Variants in CA11 observed in about 807,000 individuals in gnomAD.
The protein encoded by CA11 is carbonic anhydrase 11 (inactive).
In CA11, 20 loss-of-function variants were observed where a neutral mutation model predicts 39.3. That is an observed-to-expected ratio of 0.51 (90% CI 0.36 to 0.74). The LOEUF (loss-of-function observed/expected upper bound fraction) is 0.74. Among genes scored for constraint, CA11 ranks in the 30% least tolerant of loss-of-function variants. CA11 has a pLI of 0.00. For synonymous variants in CA11, 166 were observed against 172.5 expected (o/e 0.96, Z 0.29); for missense variants, 336 against 424.6 (o/e 0.79, Z 1.83).
chr19:48,639,811 C>T lies in CA11; in HGVS notation c.544G>A (p.Ala182Thr). 6.2e-7 allele frequency: 1 copy of T among 1,614,072 alleles called. No individual in the cohort carries two copies. The highest frequency in any genetic ancestry group is 8.5e-7 in the Non-Finnish European group (1 of 1,179,964). The change falls in exon 5 of 9, where the codon GCC becomes ACC. Residue 182 changes from alanine (A) to threonine (T), a missense_variant. Ala to Thr is a moderately conservative substitution (Grantham distance 58, BLOSUM62 0). Transcript: ENST00000084798. ...SAASRGPNGLAILSLFVNVAS... is the reference protein window; with the variant it reads ...SAASRGPNGLTILSLFVNVAS... The stretch of plus-strand genomic sequence containing the variant: ...ACGTTGACAAAGAGGCTGAGAATGG[C>T]CAGGCCATTGGGGCCGCGGGAGGCA...
At position 48,640,145 on chromosome 19, in the gene CA11, C is replaced by T; in HGVS notation, c.421G>A (p.Asp141Asn). The T allele has an allele frequency of 6.2e-7, 1 of 1,613,944 alleles. No individual in the cohort carries two copies. The highest frequency in any genetic ancestry group is 8.5e-7 in the Non-Finnish European group (1 of 1,179,978). ...ATCTGATGTTCCGAGCCGGCTCCGT[C>T]GCGAGCTCCAAACAGCAGCCGCAGT... Reference protein sequence around the residue: ...SELRLLFGARDGAGSEHQINH... With the variant: ...SELRLLFGARNGAGSEHQINH... The change falls in exon 4 of 9, where the codon GAC becomes AAC. Residue 141 changes from aspartate (D) to asparagine (N), a missense_variant. Transcript: ENST00000084798.
In CA11 at chr19:48,639,791, G is replaced by C; in HGVS notation, c.564C>G (p.Val188=). The C allele has an allele frequency of 6.2e-7, 1 of 1,613,818 alleles. No individual in the cohort carries two copies. Among genetic ancestry groups the C allele is most frequent in the Non-Finnish European group, 8.5e-7 (1 of 1,179,764 alleles). The change falls in exon 5 of 9, where the codon GTC becomes GTG. Residue 188 remains valine, a synonymous_variant. Coordinates refer to ENST00000084798, the MANE Select transcript of CA11 (RefSeq NM_001217.5). ...PNGLAILSLF[V]NVASTSNPFL... Reference sequence around the variant, plus strand: ...TCTGAATCTCGCCTCCGCTCACGTTGACAAAGAGGCTGAGAATGGCCAGGC... The same window carrying C: ...TCTGAATCTCGCCTCCGCTCACGTTCACAAAGAGGCTGAGAATGGCCAGGC...
chr19:48,639,223 G>A, intron 7 of CA11, 82 bp downstream of exon 7: 1 of 1,565,186 alleles, frequency 6.4e-7, no homozygotes, highest in Non-Finnish European at 8.7e-7. Flanking sequence ...ATGAGGAGAG[G>A]GAGGGCAGGT....
chr19:48,638,373 A>AG (rs2030918697), intron 8 of CA11: 6 of 32,298 alleles, frequency 1.9e-4, no homozygotes, highest in Non-Finnish European at 1.8e-4. Flanking sequence ...GAAGGTCTTC[A>AG]TGGGGGGGGG....
Position 48,638,002 on chromosome 19 carries a change from C to G in CA11, c.*117G>C. On this transcript the variant is annotated 3_prime_UTR_variant, in exon 9 of 9. Transcript: ENST00000084798. ...AATGTTTCCCCACCGCGCCTAGAAT[C>G]AGACCACTGAGAAAACAGGAAGTAT... 1.5e-6 allele frequency: 1 copy of G among 678,262 alleles called. No individual in the cohort carries two copies. Among genetic ancestry groups the G allele is most frequent in the Non-Finnish European group, 2.3e-6 (1 of 440,124 alleles). 42.0% of individuals were successfully genotyped at this position (678,262 alleles called of 1,614,324 possible).
intron 8 of CA11, 90 bp downstream of exon 8, chr19:48,638,798 G>A: frequency 7.5e-7 from 1 of 1,324,978 alleles, no homozygotes; most frequent in Non-Finnish European, 1.0e-6. Flanking sequence ...GCAGGAAGGA[G>A]GATGGGACTG....
At chr19:48,644,022 GGGAGGT>G (rs1315763216) in intron 3 of CA11, among the ~76,000 whole-genome samples, 1 of 151,776 alleles carries the variant, frequency 6.6e-6, no homozygotes, top group Non-Finnish European at 1.5e-5. Flanking sequence ...GCTTGAACCT[GGGAGGT>G]GGAGGTTGCA....
In CA11 at chr19:48,641,679, C is replaced by G. The variant is rs188996700; in HGVS notation, c.286-1399G>C. Among the ~76,000 whole-genome samples the G allele has an allele frequency of 2.6e-5, 4 of 152,196 alleles. No homozygotes were observed. The East Asian group carries it at 5.8e-4, about 22-fold the overall frequency. On this transcript the variant is annotated intron_variant, in intron 3 of 8. Transcript: ENST00000084798. ...TATTATTTTGAGACAAAGTCTCATT[C>G]TGGCACCCAGGCTAGATTGCAGTGG...
chr19:48,640,714 G>A (rs1009600100), intron 3 of CA11, among the ~76,000 whole-genome samples: 7 of 143,002 alleles, frequency 4.9e-5, no homozygotes, highest in Non-Finnish European at 9.1e-5. Flanking sequence ...TCGCTCTGTC[G>A]CCCGGGTTGG....
intron 3 of CA11, among the ~76,000 whole-genome samples, chr19:48,642,907 A>G (rs2031133082): frequency 6.6e-6 from 1 of 152,204 alleles, no homozygotes. Context: ...GGGCAGCTAA[A>G]TGAAAGGCAG....
rs2031026253 is a variant in CA11 at position 48,640,257 on chromosome 19, G to A, written c.309C>T (p.Thr103=). 6.2e-7 allele frequency: 1 copy of A among 1,613,746 alleles called. No individual in the cohort carries two copies. The highest frequency in any genetic ancestry group is 1.3e-5 in the African/African-American group (1 of 74,910). ...GEKLRGTLYN[T]GRHVSFLPAP... Reference sequence around the variant, plus strand: ...CAGGCAGGAAGGAGACATGTCGGCCGGTGTTGTACAAGGTTCCCCGGAGCT... The same window carrying A: ...CAGGCAGGAAGGAGACATGTCGGCCAGTGTTGTACAAGGTTCCCCGGAGCT... The change falls in exon 4 of 9, where the codon ACC becomes ACT. Residue 103 remains threonine, a synonymous_variant. Coordinates refer to ENST00000084798, the MANE Select transcript of CA11 (RefSeq NM_001217.5).
chr19:48,643,956 G>A lies in CA11; in HGVS notation c.285+471C>T, dbSNP rs185993775. 1.8e-4 allele frequency among the ~76,000 whole-genome samples: 27 copies of A among 152,114 alleles called. No individual in the cohort carries two copies. In the South Asian group the frequency reaches 3.9e-3, roughly 22 times the overall value. On this transcript the variant is annotated intron_variant, in intron 3 of 8. Coordinates refer to ENST00000084798, the MANE Select transcript of CA11 (RefSeq NM_001217.5). This position sits in a 1 kb window ranked among gnomAD's most constrained non-coding sequence, Gnocchi z 4.3. Reference sequence around the variant, plus strand: ...TAAAAATACAAAAAATTAGCTGGGCGTGATGGTGCGCATGCCTGTAATCCC... The same window carrying A: ...TAAAAATACAAAAAATTAGCTGGGCATGATGGTGCGCATGCCTGTAATCCC...
At chr19:48,640,042 A>G in intron 4 of CA11, 53 bp downstream of exon 4, 1 of 1,575,806 alleles carries the variant, frequency 6.3e-7, no homozygotes, top group South Asian at 1.1e-5. Context: ...AGGTGGGAGG[A>G]ATTGGGGTGA....
intron 8 of CA11, 55 bp from the exon 9 acceptor site, chr19:48,638,199 G>T: frequency 3.4e-6 from 4 of 1,181,784 alleles, no homozygotes; most frequent in South Asian, 2.7e-5. Flanking sequence ...AAGGGGCGGG[G>T]GGTGTGCAGG....
intron 2 of CA11, among the ~76,000 whole-genome samples, chr19:48,644,808 T>C (rs2031196245): frequency 6.6e-6 from 1 of 152,114 alleles, no homozygotes; most frequent in Admixed American, 6.5e-5. Flanking sequence ...TTGGCCAGGC[T>C]GGTCTTGAAC....
chr19:48,642,869 T>C (rs2031131868), intron 3 of CA11, among the ~76,000 whole-genome samples: 1 of 151,908 alleles, frequency 6.6e-6, no homozygotes. Context: ...GAGGATAGGA[T>C]GGGGAATGGC....
intron 3 of CA11, 89 bp from the exon 4 acceptor site, chr19:48,640,369 T>A: frequency 1.1e-4 from 36 of 340,664 alleles, no homozygotes; most frequent in Non-Finnish European, 1.4e-4. Flanking sequence ...CCAACAGTCT[T>A]TTTTTTTTTT....
intron 3 of CA11, among the ~76,000 whole-genome samples, chr19:48,642,816 C>G (rs2147721447): frequency 6.6e-6 from 1 of 152,128 alleles, no homozygotes; most frequent in South Asian, 2.1e-4. Context: ...TATTTAGCAG[C>G]AAGGCTAGAA....
intron 2 of CA11, among the ~76,000 whole-genome samples, chr19:48,644,847 G>C (rs897730315): frequency 1.3e-5 from 2 of 152,152 alleles, no homozygotes; most frequent in African/African-American, 4.8e-5. Context: ...CACCCACCTC[G>C]GCCTCCTAAA....
Sources: gnomAD v4.1 joint callset for allele counts (sites outside exome capture counted in the v4.1 genomes callset) on GRCh38, gnomAD v4.1.1 for gene constraint, Gnocchi (gnomAD v3.1) non-coding constraint, MANE v1.5 for transcripts, NCBI Gene and HGNC (gene_info 2026-07-23, HGNC 2026-07-21) for gene names.